ADAMTS18: variants seen among roughly 807,000 people sequenced by gnomAD.
The protein encoded by ADAMTS18 is A disintegrin and metalloproteinase with thrombospondin motifs 18.
A neutral mutation model predicts 165.9 loss-of-function variants in ADAMTS18; 157 were observed. The ratio of observed to expected loss-of-function variants is 0.95; its 90% CI spans 0.83 to 1.08. ADAMTS18 has a LOEUF of 1.08. ADAMTS18 is among the 50% of genes least tolerant of loss of function. ADAMTS18 has a pLI of 0.00. For synonymous variants in ADAMTS18, 782 were observed against 578.2 expected (o/e 1.35, Z -5.06); for missense variants, 2,040 against 1,534.0 (o/e 1.33, Z -5.51).
intron 16 of ADAMTS18, among the ~76,000 whole-genome samples, chr16:77,301,797 A>G (rs1050627741): frequency 6.6e-6 from 1 of 152,224 alleles, no homozygotes; most frequent in African/African-American, 2.4e-5. Flanking sequence ...CAGTTTGTAG[A>G]GCAACAAAAC....
chr16:77,304,441 A>T (rs541989662), intron 16 of ADAMTS18, among the ~76,000 whole-genome samples: 8 of 152,358 alleles, frequency 5.3e-5, no homozygotes, highest in African/African-American at 1.7e-4. Flanking sequence ...AGCCTGGGCC[A>T]TAGAGTGAGA....
chr16:77,355,254 G>A (rs926002173), intron 9 of ADAMTS18, among the ~76,000 whole-genome samples: 6 of 139,658 alleles, frequency 4.3e-5, no homozygotes, highest in Non-Finnish European at 9.6e-5. Context: ...TGGGTTAATT[G>A]TTTAATATGA....
At position 77,352,314 on chromosome 16, in the gene ADAMTS18, T is replaced by C. The variant is rs554748523; in HGVS notation, c.1614+1419A>G. 1.6e-3 allele frequency among the ~76,000 whole-genome samples: 249 copies of C among 152,212 alleles called. 1 individual carries two copies. The highest frequency in any genetic ancestry group is 5.6e-3 in the African/African-American group (232 of 41,540). On this transcript the variant is annotated intron_variant, in intron 10 of 22. Transcript: ENST00000282849. ...ACACAACTAAAATAAAGAAGGTAGT[T>C]ATTAATGACTGAATATTAATGACTG...
intron 18 of ADAMTS18, among the ~76,000 whole-genome samples, chr16:77,297,077 A>G (rs1235529238): frequency 2.0e-5 from 3 of 152,192 alleles, no homozygotes; most frequent in Non-Finnish European, 4.4e-5. Context: ...CCTGGGTTCT[A>G]CTGATCTTCC....
chr16:77,372,720 A>G (rs1340366685), intron 3 of ADAMTS18, among the ~76,000 whole-genome samples: 6 of 152,188 alleles, frequency 3.9e-5, no homozygotes, highest in Non-Finnish European at 8.8e-5. Flanking sequence ...CAGCCATCAT[A>G]TCTTCAGGAT....
chr16:77,292,940 C>G, intron 20 of ADAMTS18, 136 bp downstream of exon 20: 1 of 1,023,638 alleles, frequency 9.8e-7, no homozygotes, highest in South Asian at 1.5e-5. Context: ...CTGCCTCAGC[C>G]TCCCCAGTAG....
At chr16:77,290,023 C>G (rs924122946) in intron 21 of ADAMTS18, among the ~76,000 whole-genome samples, 17 of 152,012 alleles carry the variant, frequency 1.1e-4, no homozygotes, top group African/African-American at 4.1e-4. Context: ...AAAAGGAAAA[C>G]CAGGGAAAAA....
At chr16:77,402,309 C>A (rs1265963001) in intron 3 of ADAMTS18, among the ~76,000 whole-genome samples, 1 of 152,224 alleles carries the variant, frequency 6.6e-6, no homozygotes, top group Non-Finnish European at 1.5e-5. Context: ...GAATATTCCA[C>A]TGGCAGATGT....
chr16:77,419,144 A>G (rs1231649086), intron 3 of ADAMTS18, among the ~76,000 whole-genome samples: 1 of 114,314 alleles, frequency 8.7e-6, no homozygotes, highest in Admixed American at 8.8e-5. Context: ...GCTAGACTCC[A>G]TCTCAGGGGG....
At chr16:77,321,301 T>G (rs2055994695) in intron 14 of ADAMTS18, 99 bp from the exon 15 acceptor site, 9 of 1,500,320 alleles carry the variant, frequency 6.0e-6, no homozygotes, top group Non-Finnish European at 7.3e-6. Context: ...TACAGAACAT[T>G]AGGGAAGCAG....
At chr16:77,331,794 G>C (rs2056193591) in intron 12 of ADAMTS18, among the ~76,000 whole-genome samples, 1 of 152,142 alleles carries the variant, frequency 6.6e-6, no homozygotes, top group Non-Finnish European at 1.5e-5. Context: ...CAATAGTGCT[G>C]ACATTGAAAA....
intron 17 of ADAMTS18, 71 bp downstream of exon 17, chr16:77,300,192 A>C: frequency 6.3e-7 from 1 of 1,581,692 alleles, no homozygotes; most frequent in Non-Finnish European, 8.7e-7. Context: ...TATTATGTTA[A>C]AGACGCCTGG....
intron 2 of ADAMTS18, among the ~76,000 whole-genome samples, chr16:77,433,748 C>T (rs905146790): frequency 1.3e-5 from 2 of 152,140 alleles, no homozygotes; most frequent in African/African-American, 2.4e-5. Context: ...CAGCTGTTCT[C>T]CTGTAGCTGA....
intron 3 of ADAMTS18, among the ~76,000 whole-genome samples, chr16:77,421,130 G>A (rs1198137750): frequency 1.3e-5 from 2 of 152,178 alleles, no homozygotes; most frequent in Non-Finnish European, 2.9e-5. Flanking sequence ...GTGGTAATAA[G>A]GGGCAGATAA....
chr16:77,403,150 G>T lies in ADAMTS18; in HGVS notation c.495+28145C>A, dbSNP rs559428793. Among the ~76,000 whole-genome samples the T allele has an allele frequency of 8.5e-5, 13 of 152,290 alleles. No individual in the cohort carries two copies. In the South Asian group the frequency reaches 2.7e-3, roughly 32 times the overall value. On this transcript the variant is annotated intron_variant, in intron 3 of 22. Coordinates refer to ENST00000282849, the MANE Select transcript of ADAMTS18 (RefSeq NM_199355.4). ...CAAATTTGTAGTTAAGGCAACTGAT[G>T]CACAAAGAGGTCAAATGACTTACCC...
chr16:77,322,615 T>A, intron 13 of ADAMTS18, 149 bp from the exon 14 acceptor site: 1 of 973,648 alleles, frequency 1.0e-6, no homozygotes. Flanking sequence ...GCCCATATGA[T>A]GTGGCTTTCG....
chr16:77,307,433 A>G (rs2055701323), intron 16 of ADAMTS18, among the ~76,000 whole-genome samples: 1 of 152,222 alleles, frequency 6.6e-6, no homozygotes, highest in South Asian at 2.1e-4. Flanking sequence ...AGGGATTTGG[A>G]AATGCATCTG....
At chr16:77,381,340 T>C (rs898076876) in intron 3 of ADAMTS18, among the ~76,000 whole-genome samples, 2 of 152,158 alleles carry the variant, frequency 1.3e-5, no homozygotes, top group African/African-American at 4.8e-5. Context: ...TCTGAAGGTA[T>C]GACTCTTTAA....
At chr16:77,328,930 A>G (rs550693221) in intron 12 of ADAMTS18, among the ~76,000 whole-genome samples, 1 of 152,338 alleles carries the variant, frequency 6.6e-6, no homozygotes, top group South Asian at 2.1e-4. Context: ...GCTAGAAAGA[A>G]ACAGAGACGA....
Sources: allele counts gnomAD v4.1 joint callset (sites outside exome capture counted in the v4.1 genomes callset), GRCh38; gene constraint gnomAD v4.1.1; transcripts MANE v1.5; gene names NCBI Gene and HGNC (gene_info 2026-07-23, HGNC 2026-07-21).